The following RAB31 variants were observed in gnomAD, a reference collection of about 807,000 sequenced individuals.
RAB31 encodes the protein ras-related protein Rab-31.
Under a neutral mutation model 25.6 loss-of-function variants are expected in RAB31, and 21 were observed. That is an observed-to-expected ratio of 0.82 (90% CI 0.58 to 1.18). RAB31 has a LOEUF of 1.18. Ranked by LOEUF, RAB31 falls within the 50% of genes most tolerant of loss-of-function variation. The pLI is 0.00. For synonymous variants in RAB31, 87 were observed against 84.0 expected, an observed-to-expected ratio of 1.04 and a Z score of -0.20; for missense variants, 196 against 250.1, an observed-to-expected ratio of 0.78 and a Z score of 1.46.
chr18:9,740,774 C>A (rs2068174205), intron 1 of RAB31, among the ~76,000 whole-genome samples: 1 of 152,136 alleles, frequency 6.6e-6, no homozygotes, highest in Non-Finnish European at 1.5e-5. Context: ...TGTGCTCACA[C>A]ATCTTCTGTC....
chr18:9,727,986 T>C (rs74652633), intron 1 of RAB31, among the ~76,000 whole-genome samples: 3,952 of 152,358 alleles, frequency 0.026, 88 homozygotes, highest in Middle Eastern at 0.095. Flanking sequence ...AAGTTGTTTT[T>C]AATGACTAAA....
intron 3 of RAB31, among the ~76,000 whole-genome samples, chr18:9,812,689 A>T (rs1338969847): frequency 1.3e-3 from 113 of 90,192 alleles, no homozygotes; most frequent in Non-Finnish European, 1.5e-3. Context: ...CCAGGATACT[A>T]TTTTTTTTTT....
At chr18:9,773,172 G>A (rs2068354224) in intron 1 of RAB31, among the ~76,000 whole-genome samples, 1 of 152,100 alleles carries the variant, frequency 6.6e-6, no homozygotes, top group African/African-American at 2.4e-5. Context: ...AGTATTAAAA[G>A]CCAAGTCCCC....
intron 1 of RAB31, among the ~76,000 whole-genome samples, chr18:9,710,032 C>T (rs932464913): frequency 6.6e-6 from 1 of 152,148 alleles, no homozygotes; most frequent in Non-Finnish European, 1.5e-5. Context: ...TTCTGCAACT[C>T]TTTTCTCTTG....
chr18:9,777,579 CTCTCT>C (rs2068378810), intron 2 of RAB31, among the ~76,000 whole-genome samples: 1 of 152,102 alleles, frequency 6.6e-6, no homozygotes, highest in Non-Finnish European at 1.5e-5. Context: ...TTTTCTCTCT[CTCTCT>C]TATTTTTCAC....
At chr18:9,808,121 C>G (rs533982564) in intron 3 of RAB31, among the ~76,000 whole-genome samples, 15 of 152,310 alleles carry the variant, frequency 9.8e-5, no homozygotes, top group African/African-American at 3.6e-4. Context: ...CAGGTCTCTT[C>G]TAAAACCCAG....
chr18:9,853,024 A>G (rs983723221), intron 6 of RAB31, among the ~76,000 whole-genome samples: 2 of 152,212 alleles, frequency 1.3e-5, no homozygotes, highest in Non-Finnish European at 2.9e-5. Context: ...TTCAATTTGT[A>G]TAACTTGGTG....
intron 2 of RAB31, among the ~76,000 whole-genome samples, chr18:9,778,742 A>G (rs1172192228): frequency 6.6e-6 from 1 of 152,202 alleles, no homozygotes; most frequent in Non-Finnish European, 1.5e-5. Flanking sequence ...AAGTGCTGGG[A>G]TTATAGGCGT....
At chr18:9,734,448 A>G (rs1454847595) in intron 1 of RAB31, among the ~76,000 whole-genome samples, 1 of 152,160 alleles carries the variant, frequency 6.6e-6, no homozygotes, top group Non-Finnish European at 1.5e-5. Flanking sequence ...CGAGGAGAAC[A>G]TGGGCAAAAC....
At chr18:9,758,900 C>T (rs887317396) in intron 1 of RAB31, among the ~76,000 whole-genome samples, 5 of 152,250 alleles carry the variant, frequency 3.3e-5, no homozygotes, top group South Asian at 2.1e-4. Flanking sequence ...TGGCTGGGAC[C>T]GCAAGACAGT....
intron 1 of RAB31, among the ~76,000 whole-genome samples, chr18:9,771,261 G>A (rs1301101622): frequency 5.9e-5 from 9 of 152,202 alleles, no homozygotes; most frequent in Non-Finnish European, 1.0e-4. Flanking sequence ...ACTCAAAAGA[G>A]TTTGGTTCTG....
At chr18:9,784,386 A>C (rs1211202998) in intron 2 of RAB31, among the ~76,000 whole-genome samples, 1 of 152,100 alleles carries the variant, frequency 6.6e-6, no homozygotes, top group Non-Finnish European at 1.5e-5. Context: ...ACAGGGACAC[A>C]AAGATGTAAT....
chr18:9,718,202 A>G (rs1462427022), intron 1 of RAB31, among the ~76,000 whole-genome samples: 1 of 151,386 alleles, frequency 6.6e-6, no homozygotes, highest in Non-Finnish European at 1.5e-5. Context: ...ATCTCATGGC[A>G]TCAATACTAC....
chr18:9,856,554 TCTG>T (rs1381291339), intron 6 of RAB31, among the ~76,000 whole-genome samples: 1 of 152,370 alleles, frequency 6.6e-6, no homozygotes, highest in Non-Finnish European at 1.5e-5. Flanking sequence ...CTAATGCTGT[TCTG>T]CTAACATTAG....
chr18:9,838,394 C>T (rs1225217119), intron 5 of RAB31, among the ~76,000 whole-genome samples: 1 of 152,178 alleles, frequency 6.6e-6, no homozygotes, highest in Non-Finnish European at 1.5e-5. Context: ...GGAGGTGGAG[C>T]TCATCTCTCT....
chr18:9,790,768 G>C (rs967745309), intron 2 of RAB31, among the ~76,000 whole-genome samples: 1 of 152,142 alleles, frequency 6.6e-6, no homozygotes, highest in Non-Finnish European at 1.5e-5. Flanking sequence ...ATTAAATTCA[G>C]ACTAAACATT....
chr18:9,813,103 T>G (rs2068582953), intron 3 of RAB31, among the ~76,000 whole-genome samples: 1 of 152,248 alleles, frequency 6.6e-6, no homozygotes, highest in Non-Finnish European at 1.5e-5. Context: ...CTCTCCTGTC[T>G]GGGGATGAAC....
At chr18:9,765,198 C>T (rs926386831) in intron 1 of RAB31, among the ~76,000 whole-genome samples, 1 of 152,176 alleles carries the variant, frequency 6.6e-6, no homozygotes, top group Non-Finnish European at 1.5e-5. Context: ...AATGATCTGA[C>T]CCCCTTGGTC....
At chr18:9,848,754 C>G (rs1178485706) in intron 6 of RAB31, among the ~76,000 whole-genome samples, 1 of 152,146 alleles carries the variant, frequency 6.6e-6, no homozygotes, top group African/African-American at 2.4e-5. Context: ...AAATAAAAGC[C>G]CTTTAAAAAG....
Sources: allele counts gnomAD v4.1 joint callset (sites outside exome capture counted in the v4.1 genomes callset), GRCh38; gene constraint gnomAD v4.1.1; transcripts MANE v1.5; gene names NCBI Gene and HGNC (gene_info 2026-07-23, HGNC 2026-07-21).